ATP6V0D2: variants seen among roughly 807,000 people sequenced by gnomAD.
ATP6V0D2 encodes ATPase H+ transporting V0 subunit d2, also known as V-type proton ATPase subunit d 2.
In ATP6V0D2, 40 loss-of-function variants were observed where a neutral mutation model predicts 40.0. That is an observed-to-expected ratio of 1.00 (90% confidence interval 0.78 to 1.30). ATP6V0D2 has a LOEUF of 1.30. Among genes scored for constraint, ATP6V0D2 ranks in the 50% most tolerant of loss-of-function variants. The pLI is 0.00. For missense variants in ATP6V0D2, 470 were observed against 423.1 expected, an observed-to-expected ratio of 1.11 and a Z score of -0.97; for synonymous variants, 179 against 156.3, an observed-to-expected ratio of 1.15 and a Z score of -1.08.
chr8:86,118,239 T>TA (rs1818622695), intron 2 of ATP6V0D2, among the ~76,000 whole-genome samples: 1 of 93,542 alleles, frequency 1.1e-5, no homozygotes, highest in African/African-American at 3.0e-5. Flanking sequence ...TTTTGTATTT[T>TA]TTTTTATTTT....
At position 86,099,028 on chromosome 8, in the gene ATP6V0D2, A is replaced by G; in HGVS notation, c.50A>G (p.Glu17Gly). ...LYFNVDHGYL[E>G]GLVRGCKASL... ...TTCAACGTGGACCATGGCTACCTGG[A>G]GGGCCTGGTTCGAGGATGCAAGGCC... Residue 17 changes from glutamate to glycine, a missense_variant, in exon 1 of 8, where the codon GAG becomes GGG. Physicochemically the swap from Glu to Gly is moderately conservative, Grantham distance 98 (BLOSUM62 -2). Coordinates refer to ENST00000285393, the MANE Select transcript of ATP6V0D2 (RefSeq NM_152565.1). The G allele has an allele frequency of 6.2e-7, 1 of 1,614,002 alleles. No homozygotes were observed. Among genetic ancestry groups the G allele is most frequent in the Non-Finnish European group, 8.5e-7 (1 of 1,179,994 alleles).
At position 86,099,085 on chromosome 8, in the gene ATP6V0D2, T is replaced by C; in HGVS notation, c.107T>C (p.Leu36Pro). ...CTGACCCAGCAAGACTATATCAACC[T>C]GGTCCAGTGTGAGACCCTAGAAGGT... ...SLLTQQDYINLVQCETLEDLK... is the reference protein window; with the variant it reads ...SLLTQQDYINPVQCETLEDLK... The change falls in exon 1 of 8, where the codon CTG becomes CCG. Residue 36 changes from leucine to proline, a missense_variant. By Grantham distance (98) the Leu-to-Pro change is moderately conservative. Coordinates refer to ENST00000285393, the MANE Select transcript of ATP6V0D2 (RefSeq NM_152565.1). 3.1e-6 allele frequency: 5 copies of C among 1,612,532 alleles called. No homozygotes were observed. The highest frequency in any genetic ancestry group is 3.4e-6 in the Non-Finnish European group (4 of 1,179,702).
intron 5 of ATP6V0D2, among the ~76,000 whole-genome samples, chr8:86,144,736 G>A (rs1819023715): frequency 6.6e-6 from 1 of 152,104 alleles, no homozygotes; most frequent in Admixed American, 6.5e-5. Flanking sequence ...GCATGATCAT[G>A]GCTCACTGCA....
intron 2 of ATP6V0D2, among the ~76,000 whole-genome samples, chr8:86,122,211 A>T (rs1818680309): frequency 6.6e-6 from 1 of 152,204 alleles, no homozygotes. Context: ...AAAGTATCCC[A>T]CCTCAGAGGC....
chr8:86,106,340 CCAGG>C (rs1171469963), intron 1 of ATP6V0D2, among the ~76,000 whole-genome samples: 2 of 151,932 alleles, frequency 1.3e-5, no homozygotes, highest in Admixed American at 1.3e-4. Flanking sequence ...ACTTTGTTGC[CCAGG>C]CTGGTCTTGA....
Position 86,139,591 on chromosome 8 carries a change from C to T in ATP6V0D2, c.437C>T (p.Thr146Ile), listed in dbSNP as rs753834533. The T allele has an allele frequency of 6.2e-7, 1 of 1,613,234 alleles. No individual in the cohort carries two copies. Among genetic ancestry groups the T allele is most frequent in the Non-Finnish European group, 8.5e-7 (1 of 1,179,648 alleles). Residue 146 changes from threonine (T) to isoleucine (I), a missense_variant, in exon 3 of 8, where the codon ACA (threonine) becomes ATA (isoleucine). By Grantham distance (89) the Thr-to-Ile change is moderately conservative. Coordinates refer to ENST00000285393, the MANE Select transcript of ATP6V0D2 (RefSeq NM_152565.1). ...ATGGAAGCTGTCAACATTGCAGAGA[C>T]ACCTTCAGATCTCTTTAATGCCATT... ...TEMEAVNIAE[T>I]PSDLFNAILI...
chr8:86,141,763 C>T (rs1301723414), intron 4 of ATP6V0D2, among the ~76,000 whole-genome samples: 2 of 152,156 alleles, frequency 1.3e-5, no homozygotes, highest in Non-Finnish European at 2.9e-5. Flanking sequence ...CTTCCATATT[C>T]CTAGCTCCTT....
intron 1 of ATP6V0D2, among the ~76,000 whole-genome samples, chr8:86,100,766 A>G (rs1051040954): frequency 6.6e-6 from 1 of 152,156 alleles, no homozygotes; most frequent in Non-Finnish European, 1.5e-5. Flanking sequence ...AGACATTTTA[A>G]TGAATTCTAT....
At chr8:86,142,359 T>A (rs2626339) in intron 4 of ATP6V0D2, among the ~76,000 whole-genome samples, 131,067 of 152,204 alleles carry the variant, frequency 0.86, 56,617 homozygotes, top group Middle Eastern at 0.91. Context: ...TCCTCAGAGG[T>A]GAAAACTGAG....
At chr8:86,151,654 T>G (rs762219134) in intron 7 of ATP6V0D2, 114 bp downstream of exon 7, 11 of 750,336 alleles carry the variant, frequency 1.5e-5, no homozygotes, top group South Asian at 1.1e-4. Flanking sequence ...ATTAGGCACA[T>G]TCATAGCTTG....
chr8:86,118,081 C>T (rs13259771), intron 2 of ATP6V0D2, among the ~76,000 whole-genome samples: 33 of 52,088 alleles, frequency 6.3e-4, no homozygotes, highest in Non-Finnish European at 7.1e-4. Flanking sequence ...TTCTTTCTTT[C>T]TTTCTTTTTT....
chr8:86,108,308 CT>C lies in ATP6V0D2; in HGVS notation c.131-5392del, dbSNP rs1323724436. Among the ~76,000 whole-genome samples, 25 of 151,662 alleles carry C rather than the reference CT, an allele frequency of 1.6e-4. No individual in the cohort carries two copies. In the South Asian group the frequency reaches 3.6e-3, roughly 22 times the overall value. On this transcript the variant is annotated intron_variant, in intron 1 of 7. Transcript: ENST00000285393. ...GGCATGTGCCACCACACCCAGCTAA[CT>C]TTTTTTTTCTTTTGTAGAGTTGGGG...
chr8:86,152,688 C>A, intron 7 of ATP6V0D2, 128 bp from the exon 8 acceptor site: 2 of 837,344 alleles, frequency 2.4e-6, no homozygotes, highest in Non-Finnish European at 3.4e-6. Context: ...TCTATTTGGC[C>A]CAATTTAGAG....
intron 1 of ATP6V0D2, among the ~76,000 whole-genome samples, chr8:86,110,802 A>C (rs1223727905): frequency 1.3e-5 from 2 of 152,152 alleles, no homozygotes; most frequent in Non-Finnish European, 2.9e-5. Flanking sequence ...CAGTACATTA[A>C]AAATTTGAGG....
intron 2 of ATP6V0D2, among the ~76,000 whole-genome samples, chr8:86,119,201 C>A (rs1375566088): frequency 6.6e-6 from 1 of 151,260 alleles, no homozygotes; most frequent in African/African-American, 2.4e-5. Context: ...ACTGATGATC[C>A]CACAGATTTC....
intron 1 of ATP6V0D2, among the ~76,000 whole-genome samples, chr8:86,112,509 C>T (rs1449404020): frequency 6.6e-6 from 1 of 152,112 alleles, no homozygotes; most frequent in Non-Finnish European, 1.5e-5. Context: ...ATTTTTACCT[C>T]ATAAAATTGC....
intron 5 of ATP6V0D2, among the ~76,000 whole-genome samples, chr8:86,147,127 T>C (rs1819081459): frequency 4.6e-5 from 7 of 152,154 alleles, no homozygotes; most frequent in Admixed American, 4.6e-4. Flanking sequence ...ATAAAATATG[T>C]TTGTTTGATC....
At chr8:86,147,743 C>G (rs76238815) in intron 5 of ATP6V0D2, among the ~76,000 whole-genome samples, 24,034 of 152,040 alleles carry the variant, frequency 0.16, 2,167 homozygotes, top group East Asian at 0.32. Context: ...AATGGAAGGG[C>G]TTGTTATGAA....
intron 5 of ATP6V0D2, among the ~76,000 whole-genome samples, chr8:86,146,988 A>C (rs553216965): frequency 1.4e-5 from 2 of 140,102 alleles, no homozygotes; most frequent in South Asian, 2.4e-4. Flanking sequence ...TGACCTAATT[A>C]CAAGATTATA....
Sources: gnomAD v4.1 joint callset for allele counts (sites outside exome capture counted in the v4.1 genomes callset) on GRCh38, gnomAD v4.1.1 for gene constraint, MANE v1.5 for transcripts, NCBI Gene and HGNC (gene_info 2026-07-23, HGNC 2026-07-21) for gene names.